The following DNAH3 variants were observed in gnomAD, a reference collection of about 807,000 sequenced individuals.
DNAH3 encodes the protein axonemal beta dynein heavy chain 3.
DNAH3 carries 332 observed loss-of-function variants against 432.5 expected under a neutral mutation model. The observed-to-expected ratio is 0.77, with a 90% CI of 0.70 to 0.84. The LOEUF is 0.84. DNAH3 is among the 40% of genes least tolerant of loss of function. The pLI is 0.00. For synonymous variants in DNAH3, 1,956 were observed against 1,900.2 expected (o/e 1.03, Z -0.76); for missense variants, 4,861 against 5,114.0 (o/e 0.95, Z 1.51).
chr16:21,039,312 C>T (rs1178316804), intron 33 of DNAH3, among the ~76,000 whole-genome samples: 2 of 150,678 alleles, frequency 1.3e-5, no homozygotes, highest in Admixed American at 6.6e-5. Flanking sequence ...TCCGCCTCCA[C>T]GGTTCAAGTG....
chr16:21,066,366 T>A (rs894103115), intron 24 of DNAH3, among the ~76,000 whole-genome samples: 2 of 151,852 alleles, frequency 1.3e-5, no homozygotes, highest in African/African-American at 4.8e-5. Context: ...GAAACTAACC[T>A]TCTCCTTTTT....
chr16:21,012,469 A>T (rs1226441042), intron 41 of DNAH3, among the ~76,000 whole-genome samples: 1 of 152,234 alleles, frequency 6.6e-6, no homozygotes, highest in Non-Finnish European at 1.5e-5. Flanking sequence ...TTCACTTTTC[A>T]AATGTAAACA....
chr16:20,940,093 C>A (rs934378398), intron 59 of DNAH3, among the ~76,000 whole-genome samples: 1 of 152,132 alleles, frequency 6.6e-6, no homozygotes, highest in African/African-American at 2.4e-5. Flanking sequence ...CTAGATTTAC[C>A]CAGATTTCAC....
intron 55 of DNAH3, 73 bp downstream of exon 55, chr16:20,954,740 G>T (rs891469381): frequency 1.3e-5 from 20 of 1,519,646 alleles, no homozygotes; most frequent in Non-Finnish European, 1.6e-5. Flanking sequence ...GCTTAAACAC[G>T]CACCTGGAAA....
intron 24 of DNAH3, among the ~76,000 whole-genome samples, chr16:21,064,373 C>G (rs1460731615): frequency 6.6e-6 from 1 of 152,152 alleles, no homozygotes; most frequent in African/African-American, 2.4e-5. Context: ...CCCAGTGAGG[C>G]CAGAAGAACC....
At position 20,952,539 on chromosome 16, in the gene DNAH3, A is replaced by C. The variant is rs555528222; in HGVS notation, c.11082T>G (p.Ile3694Met). The C allele has an allele frequency of 8.1e-6, 13 of 1,606,156 alleles. 1 individual carries two copies. In the South Asian group the frequency reaches 1.4e-4, roughly 18 times the overall value. Residue 3694 changes from isoleucine (I) to methionine (M), a missense_variant, in exon 56 of 62, where the codon ATT (isoleucine) becomes ATG (methionine). Ile to Met is a conservative substitution (Grantham distance 10). Coordinates refer to ENST00000261383, the Ensembl canonical transcript of DNAH3. ...GGTCAGATTCGTTGAATTCATAGGG[A>C]ATATTCCACCCTGCGTGTGGGAGAG...
At chr16:20,980,230 TTATATTATATATATAATATACATCA>T (rs2085807913) in intron 49 of DNAH3, among the ~76,000 whole-genome samples, 1 of 136,116 alleles carries the variant, frequency 7.3e-6, no homozygotes, top group Non-Finnish European at 1.6e-5. Context: ...TATTATTTAT[TTATATTATATATATAATATACATCA>T]TATATTATAT....
chr16:21,106,149 C>T (rs1055133272), intron 15 of DNAH3, among the ~76,000 whole-genome samples: 1 of 141,666 alleles, frequency 7.1e-6, no homozygotes, highest in Non-Finnish European at 1.5e-5. Flanking sequence ...CACAGCACTC[C>T]AACCTGATGA....
At chr16:21,143,991 A>G (rs978799815) in intron 3 of DNAH3, among the ~76,000 whole-genome samples, 2 of 152,240 alleles carry the variant, frequency 1.3e-5, no homozygotes, top group African/African-American at 2.4e-5. Context: ...TAGCACAGAG[A>G]AAACAATGAA....
At chr16:21,102,991 A>C (rs1427385993) in intron 16 of DNAH3, among the ~76,000 whole-genome samples, 1 of 151,326 alleles carries the variant, frequency 6.6e-6, no homozygotes, top group Non-Finnish European at 1.5e-5. Flanking sequence ...TCGGCCTCCC[A>C]AAGTGCTGAG....
intron 1 of DNAH3, among the ~76,000 whole-genome samples, chr16:21,153,939 T>C (rs2092881355): frequency 6.6e-6 from 1 of 152,212 alleles, no homozygotes; most frequent in African/African-American, 2.4e-5. Flanking sequence ...TATATTATGC[T>C]CTTTATCACA....
exon 14 of DNAH3, chr16:21,111,783 G>A (rs145987803): frequency 1.7e-5 from 28 of 1,613,414 alleles, no homozygotes; most frequent in Middle Eastern, 1.6e-4. Context: ...TCATTTCTCC[G>A]TTTCTTTATG....
intron 41 of DNAH3, among the ~76,000 whole-genome samples, chr16:21,004,524 C>T (rs887530832): frequency 6.6e-6 from 1 of 152,060 alleles, no homozygotes; most frequent in African/African-American, 2.4e-5. Flanking sequence ...CTCGCCACCA[C>T]GCCCTGCTAA....
Position 21,027,129 on chromosome 16 carries a change from T to C in DNAH3, c.5440-2A>G, listed in dbSNP as rs774859128. 1 of 1,610,888 alleles carries C rather than the reference T, an allele frequency of 6.2e-7. No homozygotes were observed. The highest frequency in any genetic ancestry group is 8.5e-7 in the Non-Finnish European group (1 of 1,177,344). On this transcript the variant is annotated splice_acceptor_variant, in intron 37 of 61. Transcript: ENST00000261383. LOFTEE classifies it high-confidence loss of function. ...AATTTCCCCACTCATGAGACACAGC[T>C]AAAAGTGCAAAGCAGAGGGTAGCAG... is the stretch of plus-strand genomic sequence containing the variant.
At chr16:21,123,778 A>G (rs1328685128) in intron 9 of DNAH3, among the ~76,000 whole-genome samples, 5 of 151,690 alleles carry the variant, frequency 3.3e-5, no homozygotes, top group African/African-American at 9.7e-5. Context: ...ACTAGGACTT[A>G]GTGTTTTCAG....
chr16:21,090,081 A>G (rs941478073), intron 18 of DNAH3, among the ~76,000 whole-genome samples: 1 of 152,054 alleles, frequency 6.6e-6, no homozygotes, highest in Non-Finnish European at 1.5e-5. Context: ...TTTTTTTAAA[A>G]TGAAGCCATT....
Position 20,985,044 on chromosome 16 carries a change from C to T in DNAH3, c.7665+33G>A, listed in dbSNP as rs1237482515. 1 of 1,585,976 alleles carries T rather than the reference C, an allele frequency of 6.3e-7. No individual in the cohort carries two copies. Among genetic ancestry groups the T allele is most frequent in the Non-Finnish European group, 8.6e-7 (1 of 1,166,464 alleles). On this transcript the variant is annotated intron_variant, in intron 48 of 61. Transcript: ENST00000261383. ...CAAGGGCAAATGGAGTTTTCTTCTT[C>T]TTACCGAGGACAATGTGAAGGTTCT...
At chr16:21,114,620 G>T (rs1163783859) in intron 12 of DNAH3, among the ~76,000 whole-genome samples, 1 of 152,148 alleles carries the variant, frequency 6.6e-6, no homozygotes, top group Non-Finnish European at 1.5e-5. Flanking sequence ...CATTTATGCA[G>T]CCAAAAGACA....
intron 19 of DNAH3, among the ~76,000 whole-genome samples, chr16:21,084,985 C>CA (rs1277436545): frequency 1.4e-5 from 2 of 147,214 alleles, no homozygotes; most frequent in Non-Finnish European, 3.0e-5. Flanking sequence ...CGATGCAGGT[C>CA]AAAGTCCTAG....
Sources: allele counts gnomAD v4.1 joint callset (sites outside exome capture counted in the v4.1 genomes callset), GRCh38; gene constraint gnomAD v4.1.1; transcripts MANE v1.5; gene names NCBI Gene and HGNC (gene_info 2026-07-23, HGNC 2026-07-21).